TIAM2: variants seen among roughly 807,000 people sequenced by gnomAD.
TIAM2 encodes TIAM Rac1 associated GEF 2, also known as rho guanine nucleotide exchange factor TIAM2.
A neutral mutation model predicts 152.9 loss-of-function variants in TIAM2; 80 were observed. That is an observed-to-expected ratio of 0.52 (90% CI 0.44 to 0.63). The LOEUF (loss-of-function observed/expected upper bound fraction) is 0.63, where lower values mean the gene tolerates loss of function less well. TIAM2 is among the 30% of genes least tolerant of loss of function. The pLI is 0.00. For synonymous variants in TIAM2, 804 were observed against 838.0 expected (o/e 0.96, Z 0.70); for missense variants, 1,965 against 2,120.1 (o/e 0.93, Z 1.44).
chr6:155,132,783 T>G (rs1779476727), intron 4 of TIAM2, among the ~76,000 whole-genome samples: 1 of 152,212 alleles, frequency 6.6e-6, no homozygotes. Flanking sequence ...AGCCAATGAT[T>G]CTGCATCTCT....
In TIAM2 at chr6:155,185,843, A is replaced by G. The variant is rs1257344948; in HGVS notation, c.3064+2343A>G. 4.6e-5 allele frequency among the ~76,000 whole-genome samples: 7 copies of G among 152,152 alleles called. No individual in the cohort carries two copies. In the South Asian group the frequency reaches 1.2e-3, roughly 27 times the overall value. On this transcript the variant is annotated intron_variant, in intron 14 of 26. Transcript: ENST00000682666. The stretch of plus-strand genomic sequence containing the variant: ...CCCGCCCACCTCTGCCCTGAGCTTT[A>G]CCATTCCTCCCCTCTCCTAAGCTCC...
chr6:155,226,852 T>C (rs1782266000), intron 15 of TIAM2, among the ~76,000 whole-genome samples: 1 of 152,224 alleles, frequency 6.6e-6, no homozygotes, highest in Non-Finnish European at 1.5e-5. Flanking sequence ...TGGGGCTTGG[T>C]TTCTTCTGGA....
intron 1 of TIAM2, among the ~76,000 whole-genome samples, chr6:155,045,190 C>T (rs557550524): frequency 5.3e-5 from 8 of 151,986 alleles, no homozygotes; most frequent in South Asian, 2.1e-4. Flanking sequence ...CCTCGGCCTC[C>T]GTAGTAGCTG....
chr6:155,208,532 A>T (rs1374629366), intron 14 of TIAM2, among the ~76,000 whole-genome samples: 1 of 151,930 alleles, frequency 6.6e-6, no homozygotes, highest in Non-Finnish European at 1.5e-5. Flanking sequence ...GACCACTGAA[A>T]ATCTCCCACT....
intron 2 of TIAM2, among the ~76,000 whole-genome samples, chr6:155,093,921 A>G (rs2114983703): frequency 6.6e-6 from 1 of 152,242 alleles, no homozygotes; most frequent in South Asian, 2.1e-4. Context: ...TTAATTTAAA[A>G]TGTTTTTTAG....
In TIAM2 at chr6:155,243,437, TTACC is replaced by T. The variant is rs148003321; in HGVS notation, c.3349-571_3349-568del. On this transcript the variant is annotated intron_variant, in intron 16 of 26. Transcript: ENST00000682666. The stretch of plus-strand genomic sequence containing the variant: ...AAGGGTGTTTCTGTCACCAAGACAC[TTACC>T]TAAGCAGAGGGAATGATCGAGCTGT... Among the ~76,000 whole-genome samples the T allele has an allele frequency of 3.0e-3, 459 of 152,284 alleles. 1 individual carries two copies. Among genetic ancestry groups the T allele is most frequent in the African/African-American group, 0.01 (432 of 41,552 alleles).
chr6:155,111,136 C>T (rs1009617724), intron 2 of TIAM2, among the ~76,000 whole-genome samples: 2 of 151,974 alleles, frequency 1.3e-5, no homozygotes, highest in Admixed American at 6.6e-5. Context: ...GGCTCTTTTT[C>T]GAGTTACCCT....
rs780645800 is a variant in TIAM2 at position 155,253,023 on chromosome 6, G to A, written c.4195G>A (p.Ala1399Thr). 11 of 1,613,992 alleles carry A rather than the reference G, an allele frequency of 6.8e-6. No homozygotes were observed. Among genetic ancestry groups the A allele is most frequent in the Admixed American group, 1.7e-5 (1 of 60,004 alleles). ...FKFRWLIPIS[A>T]LQVRLGNPAG... ...ATTCCGCTGGTTGATCCCCATCTCCGCGCTTCAAGTCAGACTGGGGAATCC... is the reference window on the plus strand; with the variant it reads ...ATTCCGCTGGTTGATCCCCATCTCCACGCTTCAAGTCAGACTGGGGAATCC... The change falls in exon 24 of 27, where the codon GCG (alanine) becomes ACG (threonine). Residue 1399 changes from alanine (A) to threonine (T), a missense_variant. Coordinates refer to ENST00000682666, the MANE Select transcript of TIAM2 (RefSeq NM_012454.4).
intron 1 of TIAM2, among the ~76,000 whole-genome samples, chr6:155,038,134 CCA>C (rs1554226206): frequency 3.9e-5 from 6 of 152,066 alleles, no homozygotes; most frequent in Non-Finnish European, 7.4e-5. Context: ...ATGAATTTTC[CCA>C]AAGTGAACAC....
chr6:155,179,250 T>G, intron 11 of TIAM2, 107 bp downstream of exon 11: 1 of 1,429,490 alleles, frequency 7.0e-7, no homozygotes, highest in Non-Finnish European at 9.8e-7. Context: ...TGGCGTCTAG[T>G]TTGGAAACAG....
rs527401178 is a variant in TIAM2, at chr6:155,155,444, G to C, written c.2028+7110G>C. ...GCCTCCCAAAGTGCTGGGATTACAG[G>C]TGTGAGCCAGTGTGCCCAGCTGGAA... On this transcript the variant is annotated intron_variant, in intron 7 of 26. Transcript: ENST00000682666. Among the ~76,000 whole-genome samples, 436 of 152,128 alleles carry C rather than the reference G, an allele frequency of 2.9e-3. 2 individuals carry two copies. The highest frequency in any genetic ancestry group is 9.9e-3 in the African/African-American group (410 of 41,492).
rs566281855 is a variant in TIAM2, at chr6:155,189,727, GA to G, written c.3064+6237del. ...AACACTTGTAAATCCTGGCTCCAAAGAAAAAAAAAATTGCAATGAAGAGAAT... is the reference window on the plus strand; with the variant it reads ...AACACTTGTAAATCCTGGCTCCAAAGAAAAAAAAATTGCAATGAAGAGAAT... On this transcript the variant is annotated intron_variant, in intron 14 of 26. Coordinates refer to ENST00000682666, the MANE Select transcript of TIAM2 (RefSeq NM_012454.4). Among the ~76,000 whole-genome samples, 627 of 149,746 alleles carry G rather than the reference GA, an allele frequency of 4.2e-3. 6 individuals are homozygous for G. Among genetic ancestry groups the G allele is most frequent in the Non-Finnish European group, 7.2e-3 (487 of 67,230 alleles).
intron 1 of TIAM2, among the ~76,000 whole-genome samples, chr6:155,060,319 C>G (rs1203965511): frequency 6.6e-6 from 1 of 151,832 alleles, no homozygotes; most frequent in Non-Finnish European, 1.5e-5. Context: ...GGAGAATTGC[C>G]TGAATCTGGG....
intron 14 of TIAM2, among the ~76,000 whole-genome samples, chr6:155,209,318 C>T (rs900011154): frequency 3.3e-5 from 5 of 152,112 alleles, no homozygotes; most frequent in Admixed American, 1.3e-4. Flanking sequence ...AGCGCATGAA[C>T]GGGGAGATAC....
intron 14 of TIAM2, among the ~76,000 whole-genome samples, chr6:155,193,905 C>T (rs932306587): frequency 2.0e-5 from 3 of 152,214 alleles, no homozygotes; most frequent in African/African-American, 7.2e-5. Flanking sequence ...TGCACATGTC[C>T]TCAGAGAGCA....
chr6:155,256,287 T>TA (rs1254580494), intron 26 of TIAM2, 197 bp from the exon 27 acceptor site: 2 of 745,146 alleles, frequency 2.7e-6, no homozygotes, highest in Non-Finnish European at 4.3e-6. Context: ...TTGCCTAACT[T>TA]ACAACTGTAA....
intron 1 of TIAM2, among the ~76,000 whole-genome samples, chr6:155,075,636 A>G (rs1461420792): frequency 1.3e-5 from 2 of 152,246 alleles, no homozygotes; most frequent in African/African-American, 4.8e-5. Flanking sequence ...GAATATTTGC[A>G]TATACATAAT....
At chr6:155,155,573 C>T (rs570361684) in intron 7 of TIAM2, among the ~76,000 whole-genome samples, 55 of 152,334 alleles carry the variant, frequency 3.6e-4, no homozygotes, top group African/African-American at 1.3e-3. Context: ...CTCCAGGGTT[C>T]CAGTGATTCT....
At chr6:155,004,348 C>T (rs999888065) in intron 1 of TIAM2, among the ~76,000 whole-genome samples, 2 of 152,148 alleles carry the variant, frequency 1.3e-5, no homozygotes, top group African/African-American at 4.8e-5. Flanking sequence ...ATGTAGTAGC[C>T]AGGCTAATCC....
Sources: gnomAD v4.1 joint callset for allele counts (sites outside exome capture counted in the v4.1 genomes callset) on GRCh38, gnomAD v4.1.1 for gene constraint, MANE v1.5 for transcripts, NCBI Gene and HGNC (gene_info 2026-07-23, HGNC 2026-07-21) for gene names.